The following PATJ variants were observed in gnomAD, a reference collection of about 807,000 sequenced individuals.
PATJ encodes PATJ crumbs cell polarity complex component, also known as inaD-like protein.
In PATJ, 190 loss-of-function variants were observed where a neutral mutation model predicts 224.9. The observed-to-expected ratio is 0.84, with a 90% CI of 0.75 to 0.95. The LOEUF (loss-of-function observed/expected upper bound fraction) is 0.95. Ranked by LOEUF, PATJ falls within the 40% of genes least tolerant of loss-of-function variation. The probability of loss-of-function intolerance (pLI) is 0.00; values close to 1 mark genes in which losing one functional copy is unlikely to be tolerated. For synonymous variants in PATJ, 769 were observed against 820.3 expected (o/e 0.94, Z 1.07); for missense variants, 2,121 against 2,270.3 (o/e 0.93, Z 1.34).
intron 28 of PATJ, among the ~76,000 whole-genome samples, chr1:62,015,321 A>G (rs955374929): frequency 6.6e-6 from 1 of 152,072 alleles, no homozygotes; most frequent in Non-Finnish European, 1.5e-5. Flanking sequence ...AAAAGAAAGA[A>G]ACGTAATAGC....
chr1:61,770,610 G>A (rs1358920889), intron 5 of PATJ, among the ~76,000 whole-genome samples: 2 of 151,994 alleles, frequency 1.3e-5, no homozygotes, highest in Admixed American at 1.3e-4. Flanking sequence ...TCTTACCCTG[G>A]CTAGCAGTTG....
intron 41 of PATJ, among the ~76,000 whole-genome samples, chr1:62,133,462 G>A (rs187755251): frequency 1.1e-3 from 169 of 152,198 alleles, no homozygotes; most frequent in African/African-American, 4.0e-3. Flanking sequence ...CATGCCTGTA[G>A]TCCCAGCTAC....
intron 23 of PATJ, among the ~76,000 whole-genome samples, chr1:61,900,538 G>C (rs952579460): frequency 6.6e-6 from 1 of 152,054 alleles, no homozygotes; most frequent in Admixed American, 6.6e-5. Flanking sequence ...AATTTATTTT[G>C]TTCTGAAAGT....
chr1:62,108,484 A>C lies in PATJ; in HGVS notation c.4425A>C (p.Arg1475Ser). The C allele has an allele frequency of 6.2e-7, 1 of 1,610,500 alleles. No homozygotes were observed. The change falls in exon 34 of 44, where the codon AGA becomes AGC. Residue 1475 changes from arginine (R) to serine (S), a missense_variant. Transcript: ENST00000642238. ...HEVYEEGAAA[R>S]DGRLWAGDQI... The stretch of plus-strand genomic sequence containing the variant: ...TCTATGAAGAAGGGGCAGCAGCCAG[A>C]GATGGAAGACTTTGGGCTGGTGACC...
chr1:62,056,440 A>T (rs1654552394), intron 31 of PATJ, among the ~76,000 whole-genome samples: 1 of 152,080 alleles, frequency 6.6e-6, no homozygotes, highest in South Asian at 2.1e-4. Flanking sequence ...AAGTGGGAGG[A>T]TTAATTGAGG....
intron 1 of PATJ, among the ~76,000 whole-genome samples, chr1:61,748,262 T>TTC (rs1553149078): frequency 7.2e-6 from 1 of 138,856 alleles, no homozygotes; most frequent in Admixed American, 7.4e-5. Context: ...TTTTTTTTTT[T>TTC]TTTTTTTTTT....
intron 42 of PATJ, among the ~76,000 whole-genome samples, chr1:62,151,463 C>T (rs1046178030): frequency 2.0e-5 from 3 of 148,700 alleles, no homozygotes; most frequent in Admixed American, 6.7e-5. Context: ...TGGTGGCAGG[C>T]GCCTGTAGTC....
chr1:61,755,945 G>A lies in PATJ; in HGVS notation c.-35-6913G>A, dbSNP rs140965941. Among the ~76,000 whole-genome samples, 223 of 152,162 alleles carry A rather than the reference G, an allele frequency of 1.5e-3. 5 individuals carry two copies. In the East Asian group the frequency reaches 0.04, roughly 28 times the overall value. On this transcript the variant is annotated intron_variant, in intron 1 of 43. Transcript: ENST00000642238. ...GCCTCCCAAGTAGCTGGGATTACAG[G>A]CACCTGCCACCACACCAAGCTAATT...
intron 27 of PATJ, among the ~76,000 whole-genome samples, chr1:61,972,583 A>T (rs544184936): frequency 6.6e-6 from 1 of 152,210 alleles, no homozygotes; most frequent in South Asian, 2.1e-4. Flanking sequence ...AAGTAAGGTT[A>T]TGTAATTAAA....
At chr1:62,135,566 T>C (rs1387638387) in intron 41 of PATJ, among the ~76,000 whole-genome samples, 2 of 140,440 alleles carry the variant, frequency 1.4e-5, no homozygotes, top group African/African-American at 2.6e-5. Flanking sequence ...AAGACAGTGA[T>C]AAACTGCAGG....
chr1:61,885,918 A>G (rs1668758300), intron 22 of PATJ, among the ~76,000 whole-genome samples: 1 of 148,778 alleles, frequency 6.7e-6, no homozygotes, highest in Non-Finnish European at 1.5e-5. Flanking sequence ...TCAGTAAACT[A>G]TCGCAAGGAG....
intron 28 of PATJ, chr1:61,991,609 T>A: frequency 1.0e-6 from 1 of 985,478 alleles, no homozygotes; most frequent in Non-Finnish European, 1.2e-6. Flanking sequence ...CCTTGGTTGC[T>A]TCTCCCCACT....
chr1:62,080,898 T>A (rs539937786), intron 32 of PATJ, among the ~76,000 whole-genome samples: 6 of 152,328 alleles, frequency 3.9e-5, no homozygotes, highest in African/African-American at 1.4e-4. Flanking sequence ...ACCAGCTAGT[T>A]GTGTATGGTC....
intron 32 of PATJ, among the ~76,000 whole-genome samples, chr1:62,083,030 G>A (rs1335848264): frequency 6.6e-6 from 1 of 152,172 alleles, no homozygotes; most frequent in Non-Finnish European, 1.5e-5. Context: ...ATTCTCTGGA[G>A]ACTATGATTT....
At chr1:62,011,816 G>C (rs945374264) in intron 28 of PATJ, among the ~76,000 whole-genome samples, 2 of 151,910 alleles carry the variant, frequency 1.3e-5, no homozygotes, top group Non-Finnish European at 2.9e-5. Context: ...TTTGCATGAA[G>C]AGAAAGGTGC....
chr1:61,756,474 T>G (rs2148234313), intron 1 of PATJ, among the ~76,000 whole-genome samples: 1 of 151,882 alleles, frequency 6.6e-6, no homozygotes, highest in South Asian at 2.1e-4. Context: ...AATTTGTGTT[T>G]TAACAAGCCC....
At chr1:62,050,831 CAG>C in intron 30 of PATJ, 133 bp from the exon 31 acceptor site, 1 of 674,810 alleles carries the variant, frequency 1.5e-6, no homozygotes, top group Admixed American at 2.8e-5. Flanking sequence ...AAGAAAGAAA[CAG>C]AAAATACTTC....
chr1:62,092,444 A>G (rs1156901215), intron 33 of PATJ, among the ~76,000 whole-genome samples: 1 of 151,994 alleles, frequency 6.6e-6, no homozygotes, highest in Non-Finnish European at 1.5e-5. Context: ...TTAATGATAA[A>G]AAGTCCTGCG....
chr1:61,860,581 T>C (rs1376116586), intron 18 of PATJ, among the ~76,000 whole-genome samples: 2 of 151,802 alleles, frequency 1.3e-5, no homozygotes, highest in African/African-American at 4.8e-5. Flanking sequence ...CCCAGCACTT[T>C]GGGAGGCGGA....
Sources: gnomAD v4.1 joint callset for allele counts (sites outside exome capture counted in the v4.1 genomes callset) on GRCh38, gnomAD v4.1.1 for gene constraint, MANE v1.5 for transcripts, NCBI Gene and HGNC (gene_info 2026-07-23, HGNC 2026-07-21) for gene names.